The following KCNIP4 variants were observed in gnomAD, a reference collection of about 807,000 sequenced individuals.
The protein encoded by KCNIP4 is potassium voltage-gated channel interacting protein 4.
In KCNIP4, 12 loss-of-function variants were observed where a neutral mutation model predicts 34.0. The ratio of observed to expected loss-of-function variants is 0.35; its 90% confidence interval spans 0.23 to 0.57. The LOEUF (loss-of-function observed/expected upper bound fraction) is 0.57, where lower values mean the gene tolerates loss of function less well. Ranked by LOEUF, KCNIP4 falls within the 20% of genes least tolerant of loss-of-function variation. The probability of loss-of-function intolerance (pLI) is 0.83; values close to 1 mark genes in which losing one functional copy is unlikely to be tolerated. For synonymous variants in KCNIP4, 124 were observed against 102.2 expected, an observed-to-expected ratio of 1.21 and a Z score of -1.29; for missense variants, 238 against 311.7, an observed-to-expected ratio of 0.76 and a Z score of 1.78.
At chr4:21,292,875 T>C (rs184155104) in intron 1 of KCNIP4, among the ~76,000 whole-genome samples, 67 of 152,242 alleles carry the variant, frequency 4.4e-4, no homozygotes, top group Non-Finnish European at 5.1e-4. Flanking sequence ...TCAGTGGTTT[T>C]TTCCCTATAG....
chr4:21,218,392 T>C (rs1757764123), intron 1 of KCNIP4, among the ~76,000 whole-genome samples: 1 of 149,340 alleles, frequency 6.7e-6, no homozygotes, highest in East Asian at 1.9e-4. Context: ...TTATCTTTAT[T>C]TTTATTATCA....
At chr4:21,926,999 T>C (rs1729282936) in intron 1 of KCNIP4, among the ~76,000 whole-genome samples, 1 of 152,206 alleles carries the variant, frequency 6.6e-6, no homozygotes, top group Admixed American at 6.5e-5. Flanking sequence ...ACTAAAGTAT[T>C]TGAAGTACTG....
intron 1 of KCNIP4, among the ~76,000 whole-genome samples, chr4:21,542,451 T>C (rs1161202070): frequency 1.3e-5 from 2 of 152,160 alleles, no homozygotes; most frequent in African/African-American, 4.8e-5. Flanking sequence ...TATATCATTT[T>C]AATTACAATT....
intron 1 of KCNIP4, among the ~76,000 whole-genome samples, chr4:21,018,894 C>A (rs1042445541): frequency 6.6e-6 from 1 of 152,152 alleles, no homozygotes; most frequent in Non-Finnish European, 1.5e-5. Flanking sequence ...TGAATTCAGA[C>A]AGTGTTGAGT....
At chr4:21,707,451 G>A (rs181559748) in intron 1 of KCNIP4, among the ~76,000 whole-genome samples, 166 of 152,224 alleles carry the variant, frequency 1.1e-3, no homozygotes, top group Middle Eastern at 6.8e-3. Flanking sequence ...GCCACTGTTT[G>A]TTATTCATGA....
intron 1 of KCNIP4, among the ~76,000 whole-genome samples, chr4:21,710,346 T>C (rs1484950133): frequency 6.6e-6 from 1 of 152,072 alleles, no homozygotes; most frequent in Non-Finnish European, 1.5e-5. Context: ...CAGAGAAGCG[T>C]GATTAAATAT....
At chr4:21,024,783 A>T (rs1050621974) in intron 1 of KCNIP4, among the ~76,000 whole-genome samples, 1 of 152,188 alleles carries the variant, frequency 6.6e-6, no homozygotes, top group Non-Finnish European at 1.5e-5. Context: ...TTTTTTCAAT[A>T]GATCCTATTG....
At chr4:20,901,928 T>C (rs938978299) in intron 1 of KCNIP4, among the ~76,000 whole-genome samples, 4 of 152,134 alleles carry the variant, frequency 2.6e-5, no homozygotes, top group South Asian at 2.1e-4. Flanking sequence ...TTAAAGTCTT[T>C]CTTTTAGATT....
intron 1 of KCNIP4, among the ~76,000 whole-genome samples, chr4:20,971,995 G>T (rs1156439689): frequency 6.6e-6 from 1 of 152,096 alleles, no homozygotes; most frequent in Non-Finnish European, 1.5e-5. Context: ...TCAAGAAACT[G>T]CTTTCTTTGT....
chr4:21,649,252 A>T (rs1030657106), intron 1 of KCNIP4, among the ~76,000 whole-genome samples: 1 of 152,230 alleles, frequency 6.6e-6, no homozygotes, highest in Non-Finnish European at 1.5e-5. Context: ...TCATCTTTAT[A>T]CAGTGCTAAT....
intron 3 of KCNIP4, among the ~76,000 whole-genome samples, chr4:20,844,739 T>A (rs1720158319): frequency 2.6e-5 from 4 of 152,120 alleles, no homozygotes; most frequent in Admixed American, 1.3e-4. Context: ...AAAATGTAGA[T>A]CCCTATAATT....
chr4:21,146,728 T>C (rs1752386231), intron 1 of KCNIP4, among the ~76,000 whole-genome samples: 1 of 152,190 alleles, frequency 6.6e-6, no homozygotes, highest in South Asian at 2.1e-4. Flanking sequence ...ATGTTCTTTC[T>C]TCTGGAAACT....
chr4:21,124,461 A>G (rs574744842), intron 1 of KCNIP4, among the ~76,000 whole-genome samples: 2 of 152,278 alleles, frequency 1.3e-5, no homozygotes, highest in South Asian at 4.1e-4. Context: ...CCATCTGAAA[A>G]TGAGTCGTTT....
At chr4:21,765,492 T>C (rs1718348700) in intron 1 of KCNIP4, among the ~76,000 whole-genome samples, 1 of 151,916 alleles carries the variant, frequency 6.6e-6, no homozygotes, top group African/African-American at 2.4e-5. Context: ...GGGGGAAAAG[T>C]GGTCAATTTC....
intron 3 of KCNIP4, among the ~76,000 whole-genome samples, chr4:20,814,645 G>A (rs542578909): frequency 2.0e-5 from 3 of 152,196 alleles, no homozygotes; most frequent in South Asian, 4.2e-4. Flanking sequence ...TTTTCTGATG[G>A]CCATCACAGG....
chr4:21,943,627 C>T (rs964820374), intron 1 of KCNIP4, among the ~76,000 whole-genome samples: 1 of 152,040 alleles, frequency 6.6e-6, no homozygotes, highest in Non-Finnish European at 1.5e-5. Flanking sequence ...GACCCAGCTG[C>T]GTCATGATTT....
At chr4:21,197,687 C>A (rs560343831) in intron 1 of KCNIP4, among the ~76,000 whole-genome samples, 7 of 152,148 alleles carry the variant, frequency 4.6e-5, no homozygotes, top group African/African-American at 1.7e-4. Flanking sequence ...AATCCAAATT[C>A]CTGGTACATA....
chr4:21,255,866 A>C (rs1761028211), intron 1 of KCNIP4, among the ~76,000 whole-genome samples: 1 of 152,186 alleles, frequency 6.6e-6, no homozygotes. Context: ...CGGATGCTTT[A>C]TTCATTCATT....
chr4:21,239,688 T>C (rs1353000546), intron 1 of KCNIP4, among the ~76,000 whole-genome samples: 6 of 152,222 alleles, frequency 3.9e-5, no homozygotes, highest in East Asian at 1.9e-4. Flanking sequence ...CATCTCACAG[T>C]AGTTAGAAGG....
Sources: gnomAD v4.1 joint callset for allele counts (sites outside exome capture counted in the v4.1 genomes callset) on GRCh38, gnomAD v4.1.1 for gene constraint, MANE v1.5 for transcripts, NCBI Gene and HGNC (gene_info 2026-07-23, HGNC 2026-07-21) for gene names.